AMPD1: variants seen among roughly 807,000 people sequenced by gnomAD.
The protein encoded by AMPD1 is adenosine monophosphate deaminase 1, also known as AMP deaminase 1.
Under a neutral mutation model 82.9 loss-of-function variants are expected in AMPD1, and 74 were observed. The observed-to-expected ratio is 0.89, with a 90% CI of 0.74 to 1.08. AMPD1 has a LOEUF of 1.08. Ranked by LOEUF, AMPD1 falls within the 50% of genes least tolerant of loss-of-function variation. The pLI, the probability that AMPD1 is intolerant of heterozygous loss-of-function variation, is 0.00. For synonymous variants in AMPD1, 333 were observed against 320.5 expected (o/e 1.04, Z -0.42); for missense variants, 881 against 924.5 (o/e 0.95, Z 0.61).
rs768437846 is a variant in AMPD1 at position 114,684,185 on chromosome 1, A to G, written c.547+14T>C. 3.1e-6 allele frequency: 5 copies of G among 1,613,228 alleles called. No homozygotes were observed. The highest frequency in any genetic ancestry group is 4.2e-6 in the Non-Finnish European group (5 of 1,179,182). ...ATAAAATATGTTTCATACATTATGT[A>G]AGAGAATTGTTACCTGGATAGAAGC... On this transcript the variant is annotated intron_variant, in intron 5 of 15. Coordinates refer to ENST00000520113, the MANE Select transcript of AMPD1 (RefSeq NM_000036.3).
At chr1:114,683,058 C>A in intron 5 of AMPD1, 2 of 377,366 alleles carry the variant, frequency 5.3e-6, no homozygotes, top group Non-Finnish European at 5.1e-6. Context: ...AATTATGTTC[C>A]AGTTATATAA....
Position 114,686,820 on chromosome 1 carries a change from G to A in AMPD1, c.306C>T (p.Tyr102=), listed in dbSNP as rs773532170. Reference sequence around the variant, plus strand: ...TCTGGTAGGTTGGAGATGAGGAAATGTATTCATCAATGTGGGACAGTTTGG... The same window carrying A: ...TCTGGTAGGTTGGAGATGAGGAAATATATTCATCAATGTGGGACAGTTTGG... ...SSTKLSHIDE[Y]ISSSPTYQTV... The change falls in exon 4 of 16, where the codon TAC becomes TAT. Residue 102 remains tyrosine (Y), a synonymous_variant. Transcript: ENST00000520113. 3 of 1,613,958 alleles carry A rather than the reference G, an allele frequency of 1.9e-6. No individual in the cohort carries two copies. In the Admixed American group the frequency reaches 5.0e-5, roughly 27 times the overall value.
Position 114,679,611 on chromosome 1 carries a change from T to G in AMPD1, c.865A>C (p.Asn289His). 3 of 1,613,442 alleles carry G rather than the reference T, an allele frequency of 1.9e-6. No homozygotes were observed. The highest frequency in any genetic ancestry group is 3.3e-4 in the Middle Eastern group (2 of 6,062). Residue 289 changes from asparagine (N) to histidine (H), a missense_variant, in exon 7 of 16, where the codon AAC becomes CAC. By Grantham distance (68) the Asn-to-His change is moderately conservative. Coordinates refer to ENST00000520113, the MANE Select transcript of AMPD1 (RefSeq NM_000036.3). The stretch of plus-strand genomic sequence containing the variant: ...CAGTTATAAAAATCTCGGTGGGGGT[T>G]GTTTTTCAGCTCCTTTAACTCGTCC... Reference protein sequence around the residue: ...EMDELKELKNNPHRDFYNCRK... With the variant: ...EMDELKELKNHPHRDFYNCRK...
At chr1:114,682,821 G>A (rs1040242493) in intron 5 of AMPD1, among the ~76,000 whole-genome samples, 31 of 152,180 alleles carry the variant, frequency 2.0e-4, no homozygotes, top group Admixed American at 1.6e-3. Context: ...CTCGTGATCC[G>A]CCCGCCTTGG....
chr1:114,685,574 A>T (rs1046568761), intron 4 of AMPD1, among the ~76,000 whole-genome samples: 19 of 152,288 alleles, frequency 1.2e-4, no homozygotes, highest in Middle Eastern at 3.4e-3. Flanking sequence ...CCCAGTCTCC[A>T]GGTCAAGGTT....
rs139512772 is a variant in AMPD1 at position 114,688,673 on chromosome 1, G to A, written c.103C>T (p.Arg35Cys). The change falls in exon 3 of 16, where the codon CGT becomes TGT. Residue 35 changes from arginine (R) to cysteine (C), a missense_variant. Physicochemically the swap from Arg to Cys is radical, Grantham distance 180. Coordinates refer to ENST00000520113, the MANE Select transcript of AMPD1 (RefSeq NM_000036.3). ...FASEVKDEGG[R>C]QEISPFDVDE... ...ACATCAAAGGGGGAAATCTCCTGACGACCTCCTTCATCTTTGACTTCAGAG... is the reference window on the plus strand; with the variant it reads ...ACATCAAAGGGGGAAATCTCCTGACAACCTCCTTCATCTTTGACTTCAGAG... The A allele has an allele frequency of 3.8e-5, 62 of 1,614,036 alleles. No individual in the cohort carries two copies. The highest frequency in any genetic ancestry group is 1.6e-4 in the Middle Eastern group (1 of 6,084).
At chr1:114,675,719 T>C (rs769775942) in intron 11 of AMPD1, 26 bp from the exon 12 acceptor site, 37 of 1,613,928 alleles carry the variant, frequency 2.3e-5, no homozygotes, top group Non-Finnish European at 3.1e-5. Flanking sequence ...AGCCATGCAA[T>C]GGGTTCAGTC....
At chr1:114,687,262 C>T (rs1356578734) in intron 3 of AMPD1, among the ~76,000 whole-genome samples, 1 of 152,068 alleles carries the variant, frequency 6.6e-6, no homozygotes, top group African/African-American at 2.4e-5. Context: ...TATTCATGTT[C>T]CTTAAACATG....
intron 4 of AMPD1, among the ~76,000 whole-genome samples, chr1:114,685,727 G>A (rs996608201): frequency 1.3e-5 from 2 of 152,122 alleles, no homozygotes; most frequent in African/African-American, 4.8e-5. Context: ...AAATGTTTAT[G>A]TTATTTTGAA....
intron 2 of AMPD1, among the ~76,000 whole-genome samples, chr1:114,692,903 C>T (rs1360882070): frequency 5.3e-5 from 8 of 150,754 alleles, no homozygotes; most frequent in African/African-American, 1.5e-4. Context: ...GAGGCTGAAG[C>T]GGGCAGATCA....
intron 15 of AMPD1, 77 bp downstream of exon 15, chr1:114,673,562 G>A (rs1024698595): frequency 1.7e-6 from 2 of 1,194,712 alleles, no homozygotes; most frequent in African/African-American, 3.0e-5. Context: ...TTCTACATGT[G>A]TTTCCCAACT....
rs565839639 is a variant in AMPD1, at chr1:114,679,642, G to A, written c.834C>T (p.Asn278=). Residue 278 remains asparagine (N), a synonymous_variant, in exon 7 of 16, where the codon AAC becomes AAT. Coordinates refer to ENST00000520113, the MANE Select transcript of AMPD1 (RefSeq NM_000036.3). ...SSKFQVHQML[N]EMDELKELKN... Reference sequence around the variant, plus strand: ...TCAGCTCCTTTAACTCGTCCATCTCGTTAAGCATCTGATGGACCTGGAACT... The same window carrying A: ...TCAGCTCCTTTAACTCGTCCATCTCATTAAGCATCTGATGGACCTGGAACT... 37 of 1,613,786 alleles carry A rather than the reference G, an allele frequency of 2.3e-5. No individual in the cohort carries two copies. Among genetic ancestry groups the A allele is most frequent in the Non-Finnish European group, 2.9e-5 (34 of 1,179,874 alleles).
intron 3 of AMPD1, 78 bp from the exon 4 acceptor site, chr1:114,686,988 T>C (rs1557973352): frequency 2.1e-6 from 3 of 1,462,546 alleles, no homozygotes; most frequent in Non-Finnish European, 2.9e-6. Flanking sequence ...TGTTTCTCTA[T>C]ACAATTTTAT....
chr1:114,677,802 CTT>C (rs1658040253), intron 9 of AMPD1, 106 bp downstream of exon 9: 12 of 276,108 alleles, frequency 4.3e-5, no homozygotes, highest in East Asian at 6.2e-4. Flanking sequence ...TCTCTCCCTC[CTT>C]CCTTCCTTCC....
chr1:114,677,902 C>T lies in AMPD1; in HGVS notation c.1224+8G>A, dbSNP rs140176911. 7.3e-3 allele frequency: 11,802 copies of T among 1,610,490 alleles called. 468 individuals are homozygous for T. The Admixed American group carries it at 0.11, about 15-fold the overall frequency. On this transcript the variant is annotated splice_region_variant and intron_variant, in intron 9 of 15. Transcript: ENST00000520113. Reference sequence around the variant, plus strand: ...CAGATACCATAGATGTGATTGGTTCCGCCTCACCTTGATGATAGTGGCAAA... The same window carrying T: ...CAGATACCATAGATGTGATTGGTTCTGCCTCACCTTGATGATAGTGGCAAA...
In AMPD1 at chr1:114,686,866, G is replaced by A. The variant is rs1658334500; in HGVS notation, c.260C>T (p.Pro87Leu). The change falls in exon 4 of 16, where the codon CCA becomes CTA. Residue 87 changes from proline (P) to leucine (L), a missense_variant. Physicochemically the swap from Pro to Leu is moderately conservative, Grantham distance 98. Coordinates refer to ENST00000520113, the MANE Select transcript of AMPD1 (RefSeq NM_000036.3). ...TTTGGTGGAAGATGTTTCACTTAGT[G>A]GAATGGACAAATTAACAGTCTTCCG... ...QGRKTVNLSI[P>L]LSETSSTKLS... 2 of 1,614,018 alleles carry A rather than the reference G, an allele frequency of 1.2e-6. No individual in the cohort carries two copies.
intron 12 of AMPD1, among the ~76,000 whole-genome samples, chr1:114,675,203 A>G (rs1373045855): frequency 2.6e-5 from 4 of 152,194 alleles, no homozygotes; most frequent in African/African-American, 9.7e-5. Flanking sequence ...AAACTCCAGT[A>G]TAATATTCCT....
intron 10 of AMPD1, among the ~76,000 whole-genome samples, chr1:114,676,486 G>A (rs1192012232): frequency 6.6e-6 from 1 of 152,124 alleles, no homozygotes; most frequent in Non-Finnish European, 1.5e-5. Flanking sequence ...GTTAGGTATT[G>A]TTTTTAACCT....
chr1:114,675,865 G>A lies in AMPD1; in HGVS notation c.1515+12C>T. On this transcript the variant is annotated intron_variant, in intron 11 of 15. Coordinates refer to ENST00000520113, the MANE Select transcript of AMPD1 (RefSeq NM_000036.3). ...TGAGCAGCAGTATGAAGGCCTGAAG[G>A]GTCATGCTTACATGCTTGAGGAAGA... 2.5e-6 allele frequency: 4 copies of A among 1,614,138 alleles called. No individual in the cohort carries two copies. Among genetic ancestry groups the A allele is most frequent in the Non-Finnish European group, 3.4e-6 (4 of 1,180,010 alleles).
Sources: gnomAD v4.1 joint callset for allele counts (sites outside exome capture counted in the v4.1 genomes callset) on GRCh38, gnomAD v4.1.1 for gene constraint, MANE v1.5 for transcripts, NCBI Gene and HGNC (gene_info 2026-07-23, HGNC 2026-07-21) for gene names.